The following STRN3 variants were observed in gnomAD, a reference collection of about 807,000 sequenced individuals.
STRN3 encodes the protein striatin-3.
Under a neutral mutation model 95.6 loss-of-function variants are expected in STRN3, and 29 were observed. The observed-to-expected ratio is 0.30, with a 90% CI of 0.23 to 0.41. STRN3 has a LOEUF of 0.41. STRN3 is among the 10% of genes least tolerant of loss of function. The pLI is 1.00. For synonymous variants in STRN3, 331 were observed against 357.6 expected (o/e 0.93, Z 0.84); for missense variants, 890 against 972.1 (o/e 0.92, Z 1.12).
At chr14:30,915,645 T>A (rs942278429) in intron 9 of STRN3, among the ~76,000 whole-genome samples, 2 of 152,200 alleles carry the variant, frequency 1.3e-5, no homozygotes, top group Non-Finnish European at 2.9e-5. Flanking sequence ...ATATAATATT[T>A]ACTCAAAGCA....
intron 1 of STRN3, among the ~76,000 whole-genome samples, chr14:31,020,831 G>A (rs527314488): frequency 2.0e-5 from 3 of 152,100 alleles, no homozygotes; most frequent in South Asian, 2.1e-4. Flanking sequence ...AGTTGAGCTC[G>A]GGAGCCTGAG....
At chr14:30,983,860 ATATC>A (rs1009273850) in intron 1 of STRN3, among the ~76,000 whole-genome samples, 59 of 152,248 alleles carry the variant, frequency 3.9e-4, no homozygotes, top group African/African-American at 1.4e-3. Context: ...TCTATAATAC[ATATC>A]TAACTAACCT....
chr14:30,913,460 G>A (rs1896659889), intron 10 of STRN3, 64 bp downstream of exon 10: 1 of 1,455,962 alleles, frequency 6.9e-7, no homozygotes. Flanking sequence ...TTTTATAAGT[G>A]ATTCCAAAAA....
intron 3 of STRN3, among the ~76,000 whole-genome samples, chr14:30,953,940 T>C (rs1258615605): frequency 2.0e-5 from 3 of 152,204 alleles, no homozygotes; most frequent in Non-Finnish European, 2.9e-5. Context: ...AGGTATGTTA[T>C]ATCCTCTTTA....
rs561254333 is a variant in STRN3 at position 30,957,313 on chromosome 14, C to T, written c.283-1071G>A. On this transcript the variant is annotated intron_variant, in intron 1 of 17. Transcript: ENST00000357479. ...CTAAAAAATACAAAAAATTGCCAGGCGTAGTGGTGGGTGCCTGTAGTCCCA... is the reference window on the plus strand; with the variant it reads ...CTAAAAAATACAAAAAATTGCCAGGTGTAGTGGTGGGTGCCTGTAGTCCCA... Among the ~76,000 whole-genome samples the T allele has an allele frequency of 4.8e-4, 73 of 151,804 alleles. No individual in the cohort carries two copies. In the Middle Eastern group the frequency reaches 0.02, roughly 42 times the overall value.
At chr14:30,913,326 C>T (rs1896656108) in intron 10 of STRN3, among the ~76,000 whole-genome samples, 198 bp downstream of exon 10, 1 of 151,358 alleles carries the variant, frequency 6.6e-6, no homozygotes, top group South Asian at 2.1e-4. Context: ...AGTTAATCCA[C>T]CAAAATACCT....
At chr14:30,971,080 A>G (rs940064804) in intron 1 of STRN3, among the ~76,000 whole-genome samples, 14 of 152,324 alleles carry the variant, frequency 9.2e-5, no homozygotes, top group African/African-American at 3.1e-4. Context: ...CTCTCACAAC[A>G]TGGAGGAAAC....
intron 1 of STRN3, among the ~76,000 whole-genome samples, chr14:30,960,228 C>A (rs1880122249): frequency 6.6e-6 from 1 of 152,122 alleles, no homozygotes. Context: ...GTGGCATACA[C>A]CTGTAGTCCC....
At chr14:30,972,327 G>A (rs898838890) in intron 1 of STRN3, among the ~76,000 whole-genome samples, 4 of 152,044 alleles carry the variant, frequency 2.6e-5, no homozygotes, top group East Asian at 1.9e-4. Context: ...TTAGCCAATC[G>A]GAATTAGTTT....
chr14:30,957,431 C>T (rs1315708736), intron 1 of STRN3, among the ~76,000 whole-genome samples: 1 of 128,530 alleles, frequency 7.8e-6, no homozygotes, highest in South Asian at 2.4e-4. Context: ...CCAGCCTAGG[C>T]GACAGAGTGA....
At chr14:30,931,588 T>C (rs1327396101) in intron 7 of STRN3, among the ~76,000 whole-genome samples, 1 of 152,182 alleles carries the variant, frequency 6.6e-6, no homozygotes, top group Non-Finnish European at 1.5e-5. Context: ...AACATTCAGG[T>C]GCTAATTGTA....
At chr14:30,918,920 T>C (rs1351388389) in intron 9 of STRN3, 46 bp downstream of exon 9, 2 of 1,476,396 alleles carry the variant, frequency 1.4e-6, no homozygotes, top group South Asian at 2.9e-5. Flanking sequence ...GATTTGGATT[T>C]AAGGTCTTCT....
chr14:30,917,309 T>A (rs1461953980), intron 9 of STRN3, among the ~76,000 whole-genome samples: 1 of 152,136 alleles, frequency 6.6e-6, no homozygotes, highest in East Asian at 1.9e-4. Context: ...ACATAACACA[T>A]AAACAAACAC....
chr14:31,007,681 T>C (rs116246570), intron 1 of STRN3, among the ~76,000 whole-genome samples: 1,652 of 152,046 alleles, frequency 0.011, 34 homozygotes, highest in African/African-American at 0.037. Context: ...GGCAGGAGAA[T>C]TGCTTGAGGC....
intron 1 of STRN3, among the ~76,000 whole-genome samples, chr14:30,993,423 T>C (rs986619040): frequency 1.3e-4 from 19 of 151,986 alleles, no homozygotes; most frequent in African/African-American, 2.7e-4. Context: ...ACAAAACAAA[T>C]AGATTAGGAA....
At chr14:30,995,884 A>T (rs1882173651) in intron 1 of STRN3, among the ~76,000 whole-genome samples, 1 of 152,206 alleles carries the variant, frequency 6.6e-6, no homozygotes, top group Non-Finnish European at 1.5e-5. Context: ...GCTGGAAAAC[A>T]GCCCTCGGCT....
chr14:30,994,273 G>A (rs571110429), intron 1 of STRN3, among the ~76,000 whole-genome samples: 1 of 152,174 alleles, frequency 6.6e-6, no homozygotes, highest in South Asian at 2.1e-4. Context: ...TTACAGGCAT[G>A]AGCCACGGCC....
chr14:30,922,945 C>T (rs1166221922), intron 8 of STRN3, among the ~76,000 whole-genome samples: 1 of 152,106 alleles, frequency 6.6e-6, no homozygotes, highest in Non-Finnish European at 1.5e-5. Context: ...AGTTAAAGGA[C>T]ATGAATGTTT....
At chr14:31,006,261 A>G (rs914649355) in intron 1 of STRN3, among the ~76,000 whole-genome samples, 1 of 152,208 alleles carries the variant, frequency 6.6e-6, no homozygotes, top group Non-Finnish European at 1.5e-5. Context: ...ACCACCCTTT[A>G]AAAGAAATCT....
Sources: gnomAD v4.1 joint callset for allele counts (sites outside exome capture counted in the v4.1 genomes callset) on GRCh38, gnomAD v4.1.1 for gene constraint, MANE v1.5 for transcripts, NCBI Gene and HGNC (gene_info 2026-07-23, HGNC 2026-07-21) for gene names.